The following ATG7 variants were observed in gnomAD, a reference collection of about 807,000 sequenced individuals.
ATG7 encodes the protein ubiquitin-like modifier-activating enzyme ATG7.
ATG7 carries 70 observed loss-of-function variants against 82.4 expected under a neutral mutation model. The observed-to-expected ratio is 0.85, with a 90% CI of 0.70 to 1.04. The LOEUF (loss-of-function observed/expected upper bound fraction) is 1.04. Among genes scored for constraint, ATG7 ranks in the 50% least tolerant of loss-of-function variants. The pLI, the probability that ATG7 is intolerant of heterozygous loss-of-function variation, is 0.00. For missense variants in ATG7, 792 were observed against 864.3 expected (o/e 0.92, Z 1.05); for synonymous variants, 287 against 313.0 (o/e 0.92, Z 0.88).
intron 19 of ATG7, among the ~76,000 whole-genome samples, chr3:11,426,140 G>T (rs565826936): frequency 1.3e-5 from 2 of 152,272 alleles, no homozygotes; most frequent in East Asian, 3.9e-4. Flanking sequence ...TACACATAGA[G>T]TAGAATTGCT....
chr3:11,442,722 G>A (rs919329001), intron 20 of ATG7, among the ~76,000 whole-genome samples: 1 of 107,728 alleles, frequency 9.3e-6, no homozygotes, highest in South Asian at 3.6e-4. Context: ...GGGCAGCATA[G>A]TGAGACTCCA....
intron 20 of ATG7, among the ~76,000 whole-genome samples, chr3:11,465,050 A>AT (rs1487813392): frequency 4.5e-3 from 187 of 41,322 alleles, no homozygotes; most frequent in African/African-American, 0.017. Context: ...GTAAAGGAAA[A>AT]ATTTTTTTTC....
intron 20 of ATG7, among the ~76,000 whole-genome samples, chr3:11,553,382 T>G (rs1253151205): frequency 1.3e-5 from 2 of 150,398 alleles, no homozygotes; most frequent in Non-Finnish European, 3.0e-5. Flanking sequence ...TGAATGTGTG[T>G]TCGTTGAATG....
chr3:11,498,892 C>T (rs147677585), intron 20 of ATG7, among the ~76,000 whole-genome samples: 2 of 152,296 alleles, frequency 1.3e-5, no homozygotes, highest in African/African-American at 4.8e-5. Context: ...AAACTGTTCA[C>T]ATCCTCATTG....
At chr3:11,511,876 G>C (rs1023248343) in intron 20 of ATG7, among the ~76,000 whole-genome samples, 5 of 152,306 alleles carry the variant, frequency 3.3e-5, no homozygotes, top group East Asian at 1.9e-4. Context: ...AGCAGGGCTG[G>C]CTGGCTGCTC....
the ATG7 span, chr3:11,568,669 G>C: frequency 6.4e-7 from 1 of 1,556,718 alleles, no homozygotes; most frequent in African/African-American, 1.4e-5. The surrounding 1 kb of genome is among the most constrained non-coding windows in gnomAD (Gnocchi z 5.9). Flanking sequence ...GGCCCCGCTC[G>C]CCCGGATGAA....
chr3:11,381,960 C>G (rs1409160731), intron 19 of ATG7, among the ~76,000 whole-genome samples: 1 of 152,142 alleles, frequency 6.6e-6, no homozygotes, highest in Non-Finnish European at 1.5e-5. Context: ...ATTTTCATTT[C>G]TGTGTATTTG....
At chr3:11,461,955 C>T (rs568604041) in intron 20 of ATG7, among the ~76,000 whole-genome samples, 2 of 151,830 alleles carry the variant, frequency 1.3e-5, no homozygotes, top group African/African-American at 2.4e-5. Flanking sequence ...GTTATGAACC[C>T]GGGAGGCAGA....
At chr3:11,573,251 GAA>G in the ATG7 span, among the ~76,000 whole-genome samples, 13 of 3,766 alleles carry the variant, frequency 3.5e-3, 1 homozygote, top group East Asian at 0.018. Flanking sequence ...AATAGAGAAA[GAA>G]AGAAAGAAAG....
rs1365004482 is a variant in ATG7, at chr3:11,380,005, C to G, written c.1909C>G (p.Leu637Val). ...RGFLSRFDNV[L>V]PVSLAFDKCT... The stretch of plus-strand genomic sequence containing the variant: ...ATTTCTTTCACGGTTTGATAATGTC[C>G]TTCCCGTCAGCCTGGCATTTGACAA... Residue 637 changes from leucine to valine, a missense_variant, in exon 19 of 21, where the codon CTT becomes GTT. Coordinates refer to ENST00000693202, the MANE Select transcript of ATG7 (RefSeq NM_001349232.2). 1 of 1,614,104 alleles carries G rather than the reference C, an allele frequency of 6.2e-7. No homozygotes were observed. The highest frequency in any genetic ancestry group is 8.5e-7 in the Non-Finnish European group (1 of 1,180,014).
chr3:11,281,665 T>C (rs1302262308), intron 2 of ATG7, among the ~76,000 whole-genome samples: 1 of 150,748 alleles, frequency 6.6e-6, no homozygotes, highest in Non-Finnish European at 1.5e-5. Flanking sequence ...TCCCAGCTAC[T>C]TGGGAGGCTG....
chr3:11,387,049 G>T (rs113249509), intron 19 of ATG7, among the ~76,000 whole-genome samples: 2,361 of 152,310 alleles, frequency 0.016, 62 homozygotes, highest in African/African-American at 0.054. Context: ...AGTTCCCTGT[G>T]GCCAAGTACC....
At chr3:11,434,928 G>C (rs2083240000) in intron 20 of ATG7, among the ~76,000 whole-genome samples, 1 of 152,136 alleles carries the variant, frequency 6.6e-6, no homozygotes, top group African/African-American at 2.4e-5. Flanking sequence ...GAGTGACCTT[G>C]GATGAATCCT....
chr3:11,559,323 G>A (rs2072749744), downstream of ATG7: 5 of 1,531,500 alleles, frequency 3.3e-6, no homozygotes, highest in African/African-American at 4.1e-5. Flanking sequence ...GGAGGCCCGG[G>A]ACACTCACCG....
At chr3:11,321,552 C>G (rs909119733) in intron 9 of ATG7, among the ~76,000 whole-genome samples, 1 of 152,168 alleles carries the variant, frequency 6.6e-6, no homozygotes, top group African/African-American at 2.4e-5. Flanking sequence ...GAAGCCTCTT[C>G]AAATGTGAAT....
intron 20 of ATG7, among the ~76,000 whole-genome samples, chr3:11,525,254 C>T (rs1308510916): frequency 1.3e-5 from 2 of 151,298 alleles, no homozygotes; most frequent in East Asian, 3.9e-4. Flanking sequence ...TTGTCTCGGA[C>T]TCCTGACCTC....
chr3:11,562,566 G>T (rs2073117933), downstream of ATG7, among the ~76,000 whole-genome samples: 1 of 152,248 alleles, frequency 6.6e-6, no homozygotes, highest in African/African-American at 2.4e-5. Flanking sequence ...CCTCGGAGCT[G>T]CTGGAGCACA....
At chr3:11,422,694 T>C (rs2082033731) in intron 19 of ATG7, among the ~76,000 whole-genome samples, 1 of 150,482 alleles carries the variant, frequency 6.6e-6, no homozygotes, top group Non-Finnish European at 1.5e-5. Flanking sequence ...TTTTAGCATG[T>C]CTCAGCTTTT....
At chr3:11,291,803 G>C (rs895946012) in intron 3 of ATG7, among the ~76,000 whole-genome samples, 1 of 152,176 alleles carries the variant, frequency 6.6e-6, no homozygotes, top group Non-Finnish European at 1.5e-5. Context: ...AGCTTCATAA[G>C]GACCTTGTGA....
Sources: gnomAD v4.1 joint callset for allele counts (sites outside exome capture counted in the v4.1 genomes callset) on GRCh38, gnomAD v4.1.1 for gene constraint, Gnocchi (gnomAD v3.1) non-coding constraint, MANE v1.5 for transcripts, NCBI Gene and HGNC (gene_info 2026-07-23, HGNC 2026-07-21) for gene names.